The following HS3ST4 variants were observed in gnomAD, a reference collection of about 807,000 sequenced individuals.
HS3ST4 encodes heparan sulfate glucosamine 3-O-sulfotransferase 4.
A neutral mutation model predicts 29.2 loss-of-function variants in HS3ST4; 17 were observed. The ratio of observed to expected loss-of-function variants is 0.58; its 90% confidence interval spans 0.40 to 0.87. HS3ST4 has a LOEUF of 0.87. HS3ST4 is among the 40% of genes least tolerant of loss of function. The pLI is 0.00. For synonymous variants in HS3ST4, 314 were observed against 285.7 expected, an observed-to-expected ratio of 1.10 and a Z score of -1.00; for missense variants, 627 against 634.5, an observed-to-expected ratio of 0.99 and a Z score of 0.13.
At chr16:25,887,967 G>T (rs1469659434) in intron 1 of HS3ST4, among the ~76,000 whole-genome samples, 1 of 152,062 alleles carries the variant, frequency 6.6e-6, no homozygotes, top group African/African-American at 2.4e-5. Flanking sequence ...AAATTGTTGG[G>T]ATTATAGGCA....
At chr16:25,932,579 A>T (rs1049244532) in intron 1 of HS3ST4, among the ~76,000 whole-genome samples, 1 of 152,088 alleles carries the variant, frequency 6.6e-6, no homozygotes, top group Non-Finnish European at 1.5e-5. Flanking sequence ...TACTCCCACT[A>T]CCTCAAGGTA....
chr16:25,850,726 C>G (rs1189731382), intron 1 of HS3ST4, among the ~76,000 whole-genome samples: 2 of 152,092 alleles, frequency 1.3e-5, no homozygotes, highest in African/African-American at 4.8e-5. Context: ...GGAAGGATTT[C>G]AAAGTTAAGA....
intron 1 of HS3ST4, among the ~76,000 whole-genome samples, chr16:25,844,885 C>T (rs1967448905): frequency 6.6e-6 from 1 of 152,158 alleles, no homozygotes. Flanking sequence ...GGAACAAGAT[C>T]ATGTTCTTTG....
intron 1 of HS3ST4, among the ~76,000 whole-genome samples, chr16:25,785,682 T>C (rs563536527): frequency 6.6e-6 from 1 of 152,090 alleles, no homozygotes; most frequent in African/African-American, 2.4e-5. Context: ...GTTAAGCAGG[T>C]AAAGAGGAAG....
At chr16:25,936,862 C>T (rs189476043) in intron 1 of HS3ST4, among the ~76,000 whole-genome samples, 16 of 152,284 alleles carry the variant, frequency 1.1e-4, no homozygotes, top group Admixed American at 7.8e-4. Context: ...TATAATTTCA[C>T]GTAGCAGGCA....
chr16:26,031,421 G>T (rs1486775688), intron 1 of HS3ST4, among the ~76,000 whole-genome samples: 1 of 152,142 alleles, frequency 6.6e-6, no homozygotes, highest in Non-Finnish European at 1.5e-5. Context: ...TAAAATCCTT[G>T]TATAACTTAG....
chr16:26,101,277 G>A (rs1222499076), intron 1 of HS3ST4, among the ~76,000 whole-genome samples: 1 of 152,156 alleles, frequency 6.6e-6, no homozygotes, highest in African/African-American at 2.4e-5. Context: ...GCTTTTCTTG[G>A]GGTTAGCTTG....
intron 1 of HS3ST4, among the ~76,000 whole-genome samples, chr16:25,769,802 C>T (rs958447033): frequency 1.3e-5 from 2 of 152,130 alleles, no homozygotes; most frequent in African/African-American, 4.8e-5. Context: ...AGCAGCCTCC[C>T]TTTGTGTAGA....
At chr16:26,005,743 A>G (rs541395291) in intron 1 of HS3ST4, among the ~76,000 whole-genome samples, 16 of 152,188 alleles carry the variant, frequency 1.1e-4, no homozygotes, top group African/African-American at 3.6e-4. Flanking sequence ...AAAAAAAAAA[A>G]AAAACCTTTG....
chr16:25,708,032 A>G (rs1374879621), intron 1 of HS3ST4, among the ~76,000 whole-genome samples: 2 of 152,164 alleles, frequency 1.3e-5, no homozygotes, highest in East Asian at 3.9e-4. Context: ...CTGGTATCCT[A>G]ATTTCCTGTT....
At chr16:25,859,100 G>A (rs146404195) in intron 1 of HS3ST4, among the ~76,000 whole-genome samples, 2,460 of 152,040 alleles carry the variant, frequency 0.016, 30 homozygotes, top group Middle Eastern at 0.027. Context: ...GTAATTTCTT[G>A]GAATTTTGGA....
At chr16:25,838,557 C>T (rs143561202) in intron 1 of HS3ST4, among the ~76,000 whole-genome samples, 2 of 152,234 alleles carry the variant, frequency 1.3e-5, no homozygotes, top group East Asian at 1.9e-4. Context: ...TGCTATTTAC[C>T]CTGGAGTCTT....
intron 1 of HS3ST4, among the ~76,000 whole-genome samples, chr16:25,976,498 T>C (rs1968944762): frequency 6.6e-6 from 1 of 152,156 alleles, no homozygotes; most frequent in Non-Finnish European, 1.5e-5. Flanking sequence ...GTCCCCATCA[T>C]GGAATCTTCA....
intron 1 of HS3ST4, among the ~76,000 whole-genome samples, chr16:26,011,083 G>A (rs1473571096): frequency 6.6e-6 from 1 of 152,150 alleles, no homozygotes; most frequent in East Asian, 1.9e-4. Context: ...GGCCTGGATA[G>A]CAGCACGTGC....
At chr16:26,016,377 G>A (rs969079876) in intron 1 of HS3ST4, among the ~76,000 whole-genome samples, 1 of 152,156 alleles carries the variant, frequency 6.6e-6, no homozygotes, top group Non-Finnish European at 1.5e-5. Context: ...CGTGAACAGG[G>A]CATTGAGTAA....
intron 1 of HS3ST4, among the ~76,000 whole-genome samples, chr16:25,778,825 G>A (rs1966850108): frequency 6.6e-6 from 1 of 152,118 alleles, no homozygotes; most frequent in South Asian, 2.1e-4. Flanking sequence ...CTTGAAGACT[G>A]CAACATAGAA....
chr16:25,761,060 G>A (rs1048798052), intron 1 of HS3ST4, among the ~76,000 whole-genome samples: 2 of 152,150 alleles, frequency 1.3e-5, no homozygotes, highest in African/African-American at 2.4e-5. Flanking sequence ...CATGGAGACC[G>A]ACCTCCCCAT....
intron 1 of HS3ST4, among the ~76,000 whole-genome samples, chr16:25,827,312 C>G (rs1967228046): frequency 6.6e-6 from 1 of 152,068 alleles, no homozygotes; most frequent in Non-Finnish European, 1.5e-5. Flanking sequence ...GTTTGCAATT[C>G]CTTCGTTCAA....
intron 1 of HS3ST4, among the ~76,000 whole-genome samples, chr16:26,113,047 T>C (rs7184425): frequency 0.06 from 9,170 of 152,258 alleles, 321 homozygotes; most frequent in Middle Eastern, 0.11. Context: ...AATGGCAGTG[T>C]CTATCATCAG....
Sources: gnomAD v4.1 joint callset for allele counts (sites outside exome capture counted in the v4.1 genomes callset) on GRCh38, gnomAD v4.1.1 for gene constraint, MANE v1.5 for transcripts, NCBI Gene and HGNC (gene_info 2026-07-23, HGNC 2026-07-21) for gene names.